QTMAN: variants seen among roughly 807,000 people sequenced by gnomAD.
The protein encoded by QTMAN is queuosine-tRNA mannosyltransferase, also known as tRNA-queuosine alpha-mannosyltransferase.
the QTMAN span, among the ~76,000 whole-genome samples, chr2:143,963,416 T>A: frequency 6.6e-6 from 1 of 152,072 alleles, no homozygotes; most frequent in Non-Finnish European, 1.5e-5. Flanking sequence ...AATTGTGTTA[T>A]CATAAGTTTG....
chr2:144,105,663 A>C, the QTMAN span, among the ~76,000 whole-genome samples: 170 of 152,366 alleles, frequency 1.1e-3, 2 homozygotes, highest in African/African-American at 4.0e-3. Flanking sequence ...GAATGGAACC[A>C]AGTTGGAAAA....
At chr2:143,990,328 C>A in the QTMAN span, among the ~76,000 whole-genome samples, 1 of 151,956 alleles carries the variant, frequency 6.6e-6, no homozygotes, top group Non-Finnish European at 1.5e-5. Context: ...AGGGTTGAGA[C>A]CACTGATAAA....
the QTMAN span, among the ~76,000 whole-genome samples, chr2:144,046,056 G>A: frequency 6.6e-6 from 1 of 152,182 alleles, no homozygotes; most frequent in South Asian, 2.1e-4. Flanking sequence ...ACAGAAATAA[G>A]TGAAGGCCTG....
chr2:144,236,302 T>C, the QTMAN span, among the ~76,000 whole-genome samples: 7 of 152,212 alleles, frequency 4.6e-5, no homozygotes, highest in Middle Eastern at 3.4e-3. Flanking sequence ...AATACTACTT[T>C]CTGGGAGAGC....
the QTMAN span, among the ~76,000 whole-genome samples, chr2:144,319,071 T>C: frequency 6.6e-6 from 1 of 152,214 alleles, no homozygotes; most frequent in Non-Finnish European, 1.5e-5. Context: ...AGTTCATACC[T>C]GCTTGCCAAA....
At chr2:144,240,921 G>C in the QTMAN span, among the ~76,000 whole-genome samples, 1 of 152,206 alleles carries the variant, frequency 6.6e-6, no homozygotes, top group African/African-American at 2.4e-5. Flanking sequence ...CACTTAAGCA[G>C]AGTGGTGCTT....
the QTMAN span, among the ~76,000 whole-genome samples, chr2:144,123,327 T>C: frequency 1.2e-4 from 18 of 152,116 alleles, no homozygotes; most frequent in African/African-American, 2.2e-4. Flanking sequence ...AAAGTGACAG[T>C]AGCATTACCA....
the QTMAN span, among the ~76,000 whole-genome samples, chr2:144,132,606 T>C: frequency 6.6e-6 from 1 of 152,074 alleles, no homozygotes; most frequent in African/African-American, 2.4e-5. Context: ...ATTGCTAAGT[T>C]ACAACATTTG....
the QTMAN span, chr2:143,957,065 A>G: frequency 1.4e-6 from 1 of 715,672 alleles, no homozygotes; most frequent in Non-Finnish European, 2.2e-6. Flanking sequence ...GTACAGACAA[A>G]ATAGGTGATA....
chr2:144,173,277 T>TA, the QTMAN span, among the ~76,000 whole-genome samples: 1 of 152,108 alleles, frequency 6.6e-6, no homozygotes, highest in Non-Finnish European at 1.5e-5. Context: ...ATCCCTCCCT[T>TA]TGAGTGTGGA....
At chr2:144,272,085 T>C in the QTMAN span, among the ~76,000 whole-genome samples, 2 of 152,298 alleles carry the variant, frequency 1.3e-5, no homozygotes, top group African/African-American at 2.4e-5. Context: ...GTTCTCTGTG[T>C]AGCATCTAGT....
the QTMAN span, among the ~76,000 whole-genome samples, chr2:144,188,530 G>C: frequency 1.3e-5 from 2 of 151,864 alleles, no homozygotes; most frequent in Non-Finnish European, 2.9e-5. Flanking sequence ...TGGATGGATG[G>C]ATGGATGGAT....
the QTMAN span, chr2:143,946,042 GA>G: frequency 6.6e-6 from 1 of 152,122 alleles, no homozygotes; most frequent in African/African-American, 2.4e-5. Context: ...ACTTTATTAA[GA>G]ATTTATTTTA....
chr2:143,989,135 T>C, the QTMAN span, among the ~76,000 whole-genome samples: 2 of 152,062 alleles, frequency 1.3e-5, no homozygotes, highest in Non-Finnish European at 2.9e-5. Context: ...TTTACTATAA[T>C]TATCTTAGTC....
the QTMAN span, among the ~76,000 whole-genome samples, chr2:144,166,137 G>A: frequency 6.6e-6 from 1 of 152,126 alleles, no homozygotes; most frequent in Non-Finnish European, 1.5e-5. Flanking sequence ...GGAGCTTCAA[G>A]TATAATGAAA....
the QTMAN span, among the ~76,000 whole-genome samples, chr2:144,322,635 C>T: frequency 2.6e-5 from 4 of 151,900 alleles, no homozygotes; most frequent in African/African-American, 7.2e-5. Flanking sequence ...TGTAGTGAAA[C>T]GGAAGCACAT....
chr2:144,111,552 C>T, the QTMAN span, among the ~76,000 whole-genome samples: 1 of 152,174 alleles, frequency 6.6e-6, no homozygotes, highest in Non-Finnish European at 1.5e-5. Flanking sequence ...CTGGTCTGAA[C>T]ACTGACACTT....
chr2:144,287,143 T>C, the QTMAN span, among the ~76,000 whole-genome samples: 18 of 152,240 alleles, frequency 1.2e-4, no homozygotes, highest in Admixed American at 1.2e-3. Context: ...AGATTAATGA[T>C]AAAATGGTAT....
chr2:144,105,028 C>T, the QTMAN span, among the ~76,000 whole-genome samples: 17 of 152,220 alleles, frequency 1.1e-4, no homozygotes, highest in Non-Finnish European at 1.6e-4. Flanking sequence ...AAACTCCAAC[C>T]GACCTGCAGC....
Sources: allele counts gnomAD v4.1 joint callset (sites outside exome capture counted in the v4.1 genomes callset), GRCh38; gene constraint gnomAD v4.1.1; transcripts MANE v1.5; gene names NCBI Gene and HGNC (gene_info 2026-07-23, HGNC 2026-07-21).